Variants in SYS1 observed in about 807,000 individuals in gnomAD.
SYS1 encodes the protein SYS1 golgi trafficking protein.
In SYS1, 8 loss-of-function variants were observed where a neutral mutation model predicts 17.8. The observed-to-expected ratio is 0.45, with a 90% CI of 0.26 to 0.81. The LOEUF (loss-of-function observed/expected upper bound fraction) is 0.81. Ranked by LOEUF, SYS1 falls within the 40% of genes least tolerant of loss-of-function variation. The pLI is 0.16. For missense variants in SYS1, 161 were observed against 203.9 expected, an observed-to-expected ratio of 0.79 and a Z score of 1.28; for synonymous variants, 95 against 90.9, an observed-to-expected ratio of 1.05 and a Z score of -0.26.
Position 45,368,115 on chromosome 20 carries a change from G to C in SYS1, c.*1000G>C. 1.0e-6 allele frequency: 1 copy of C among 985,402 alleles called. No homozygotes were observed. The highest frequency in any genetic ancestry group is 1.2e-6 in the Non-Finnish European group (1 of 829,920). The allele number at this position is 985,402 out of a possible 1,614,324, so 61.0% of individuals were successfully genotyped here. A position where few individuals can be genotyped will look rare whatever the true frequency, so the allele number is the denominator to read the frequency against. On this transcript the variant is annotated 3_prime_UTR_variant, in exon 4 of 4. Coordinates refer to ENST00000243918, the MANE Select transcript of SYS1 (RefSeq NM_033542.4). ...GTATACAAATACAGTATTTTCCATG[G>C]TTCTGCCTGCACTTACTTTGTAATG...
At chr20:45,375,158 G>T (rs570020108) in exon 4 of SYS1, 3 of 1,614,182 alleles carry the variant, frequency 1.9e-6, no homozygotes, top group African/African-American at 1.3e-5. Context: ...AGGTGGATTC[G>T]TGTGGGCAGC....
At position 45,375,381 on chromosome 20, in the gene SYS1, T is replaced by A. The variant is rs375651502; in HGVS notation, c.*1087T>A. 54 of 1,614,030 alleles carry A rather than the reference T, an allele frequency of 3.3e-5. No homozygotes were observed. Among genetic ancestry groups the A allele is most frequent in the Non-Finnish European group, 4.2e-5 (50 of 1,180,024 alleles). On this transcript the variant is annotated 3_prime_UTR_variant, in exon 4 of 4. Transcript: ENST00000426004. ...TCCGTGGCATTGCCGCCAATGACGTTTTCTCCTTGTTCCTCATCCCTGACT... is the reference window on the plus strand; with the variant it reads ...TCCGTGGCATTGCCGCCAATGACGTATTCTCCTTGTTCCTCATCCCTGACT...
chr20:45,366,739 TG>T (rs1988428270), intron 3 of SYS1, 135 bp from the exon 4 acceptor site: 5 of 732,894 alleles, frequency 6.8e-6, no homozygotes, highest in South Asian at 1.7e-5. Context: ...TCTAGGCGTC[TG>T]GTATCATAAC....
chr20:45,366,552 T>G (rs1988420355), intron 3 of SYS1, among the ~76,000 whole-genome samples: 1 of 152,198 alleles, frequency 6.6e-6, no homozygotes, highest in Non-Finnish European at 1.5e-5. Flanking sequence ...AGGCCAACCT[T>G]CTAGCATGAT....
chr20:45,374,246 G>A (rs1313402607), intron 3 of SYS1: 4 of 689,710 alleles, frequency 5.8e-6, no homozygotes, highest in Non-Finnish European at 1.0e-5. Context: ...TTTTGCTAAG[G>A]AACTTTCTGC....
chr20:45,370,271 T>C (rs1198840374), downstream of SYS1, among the ~76,000 whole-genome samples: 1 of 152,160 alleles, frequency 6.6e-6, no homozygotes, highest in African/African-American at 2.4e-5. Flanking sequence ...GGGAAATCTA[T>C]TTCCAAAGGA....
upstream of SYS1, among the ~76,000 whole-genome samples, chr20:45,362,652 C>T (rs1988258947): frequency 6.6e-6 from 1 of 152,204 alleles, no homozygotes. Context: ...AGGCGTGAGC[C>T]ACCGCGCCCG....
At position 45,367,610 on chromosome 20, in the gene SYS1, G is replaced by A. The variant is rs1988461339; in HGVS notation, c.*495G>A. On this transcript the variant is annotated 3_prime_UTR_variant, in exon 4 of 4. Coordinates refer to ENST00000243918, the MANE Select transcript of SYS1 (RefSeq NM_033542.4). ...CTTGGTTTCCGGATCCAGAGCCACA[G>A]AAAGAAATGTAGGTGTGAAGTATTA... 1.0e-6 allele frequency: 1 copy of A among 997,538 alleles called. No individual in the cohort carries two copies. Among genetic ancestry groups the A allele is most frequent in the Non-Finnish European group, 1.2e-6 (1 of 836,404 alleles). The allele number at this position is 997,538 out of a possible 1,614,324, so 61.8% of individuals were successfully genotyped here.
chr20:45,371,448 C>T (rs1176566363), downstream of SYS1, among the ~76,000 whole-genome samples: 4 of 152,190 alleles, frequency 2.6e-5, no homozygotes, highest in Non-Finnish European at 5.9e-5. Flanking sequence ...GTATTGAGCT[C>T]CTATCTGGCA....
chr20:45,365,082 T>G (rs1988366845), intron 2 of SYS1: 2 of 210,770 alleles, frequency 9.5e-6, no homozygotes, highest in African/African-American at 2.3e-5. Context: ...GCTGTGGGAA[T>G]GCCAGGCTTT....
Position 45,367,895 on chromosome 20 carries a change from A to C in SYS1, c.*780A>C. ...AGGAATGACCAGGCACCCAGCTCCC[A>C]CTGGACTCCAATTTTTTTTCCTGCC... is the stretch of plus-strand genomic sequence containing the variant. On this transcript the variant is annotated 3_prime_UTR_variant, in exon 4 of 4. Transcript: ENST00000243918. 1.0e-6 allele frequency: 1 copy of C among 985,724 alleles called. No homozygotes were observed. The allele number at this position is 985,724 out of a possible 1,614,324, so 61.1% of individuals were successfully genotyped here.
In SYS1 at chr20:45,367,427, AAG is replaced by A; in HGVS notation, c.*318_*319del. The A allele has an allele frequency of 1.7e-6, 2 of 1,167,218 alleles. No individual in the cohort carries two copies. Among genetic ancestry groups the A allele is most frequent in the Non-Finnish European group, 2.1e-6 (2 of 939,418 alleles). The allele number at this position is 1,167,218 out of a possible 1,614,324, so 72.3% of individuals were successfully genotyped here. ...ATACCTGTCACCAGCCTGTTGTTTTAAGAGAGAAAAAAAATCAAGGATATCTG... is the reference window on the plus strand; with the variant it reads ...ATACCTGTCACCAGCCTGTTGTTTTAAGAGAAAAAAAATCAAGGATATCTG... On this transcript the variant is annotated 3_prime_UTR_variant, in exon 4 of 4. Coordinates refer to ENST00000243918, the MANE Select transcript of SYS1 (RefSeq NM_033542.4).
chr20:45,365,510 T>A, intron 2 of SYS1, 109 bp from the exon 3 acceptor site: 1 of 1,036,840 alleles, frequency 9.6e-7, no homozygotes, highest in Non-Finnish European at 1.5e-6. Context: ...AGGGAGGTAT[T>A]ATCTTCTGTG....
At chr20:45,374,127 T>C (rs1268671298), downstream of SYS1, 3 of 953,892 alleles carry the variant, frequency 3.1e-6, no homozygotes, top group African/African-American at 3.3e-5. Context: ...GGAAATGCCT[T>C]TGCTAAAAAG....
Position 45,363,210 on chromosome 20 carries a change from GCC to G in SYS1, c.-108_-107del. On this transcript the variant is annotated 5_prime_UTR_variant, in exon 1 of 4. Transcript: ENST00000243918. ...GGTCGCTGGAGCTTTGCCTCTCTAG[GCC>G]GGCAGCGCCTCTCCTCCATGGTCCT... 1 of 1,092,940 alleles carries G rather than the reference GCC, an allele frequency of 9.1e-7. No individual in the cohort carries two copies. The highest frequency in any genetic ancestry group is 1.1e-6 in the Non-Finnish European group (1 of 895,838). 67.7% of individuals were successfully genotyped at this position (1,092,940 alleles called of 1,614,324 possible).
intron 2 of SYS1, 40 bp from the exon 3 acceptor site, chr20:45,365,579 T>C (rs1310270237): frequency 6.2e-7 from 1 of 1,602,876 alleles, no homozygotes; most frequent in African/African-American, 1.3e-5. Flanking sequence ...CTCTGCCAAG[T>C]CACTTCTCCA....
downstream of SYS1, among the ~76,000 whole-genome samples, chr20:45,370,654 A>G (rs1251507666): frequency 6.6e-6 from 1 of 152,128 alleles, no homozygotes; most frequent in Non-Finnish European, 1.5e-5. Flanking sequence ...TCCCCTGGAC[A>G]GGAATCCCCT....
downstream of SYS1, chr20:45,374,092 A>G: frequency 7.4e-7 from 1 of 1,345,912 alleles, no homozygotes; most frequent in Non-Finnish European, 1.1e-6. Context: ...CGCAGGGACA[A>G]GGGTGCTGTG....
At chr20:45,373,161 C>T (rs1463510654), downstream of SYS1, 1 of 152,502 alleles carries the variant, frequency 6.6e-6, no homozygotes, top group Non-Finnish European at 1.5e-5. Context: ...ATGGTTAGGA[C>T]CCTGTGACTC....
Sources: gnomAD v4.1 joint callset for allele counts (sites outside exome capture counted in the v4.1 genomes callset) on GRCh38, gnomAD v4.1.1 for gene constraint, MANE v1.5 for transcripts, NCBI Gene and HGNC (gene_info 2026-07-23, HGNC 2026-07-21) for gene names.